The following TPST1 variants were observed in gnomAD, a reference collection of about 807,000 sequenced individuals.
TPST1 encodes the protein protein-tyrosine sulfotransferase 1.
TPST1 carries 20 observed loss-of-function variants against 34.8 expected under a neutral mutation model. The observed-to-expected ratio is 0.57, with a 90% CI of 0.40 to 0.84. The LOEUF (loss-of-function observed/expected upper bound fraction) is 0.84, where lower values mean the gene tolerates loss of function less well. Ranked by LOEUF, TPST1 falls within the 40% of genes least tolerant of loss-of-function variation. TPST1 has a pLI of 0.00. For synonymous variants in TPST1, 152 were observed against 159.4 expected (o/e 0.95, Z 0.35); for missense variants, 353 against 455.5 (o/e 0.78, Z 2.05).
intron 3 of TPST1, among the ~76,000 whole-genome samples, chr7:66,349,536 C>T (rs1449514434): frequency 6.6e-6 from 1 of 152,162 alleles, no homozygotes; most frequent in Non-Finnish European, 1.5e-5. Context: ...TGCGCCATTG[C>T]ACTCCAGCCT....
intron 3 of TPST1, among the ~76,000 whole-genome samples, chr7:66,318,648 G>A (rs1479714792): frequency 6.6e-6 from 1 of 151,988 alleles, no homozygotes; most frequent in Non-Finnish European, 1.5e-5. Context: ...TGCATTTTTA[G>A]TAGAGATGGG....
intron 3 of TPST1, among the ~76,000 whole-genome samples, chr7:66,320,770 G>T (rs997461413): frequency 1.3e-5 from 2 of 151,022 alleles, no homozygotes; most frequent in East Asian, 3.9e-4. Context: ...GGCTAATTTT[G>T]CATTTTTAGT....
At chr7:66,279,584 A>G (rs961356244) in intron 2 of TPST1, among the ~76,000 whole-genome samples, 2 of 152,160 alleles carry the variant, frequency 1.3e-5, no homozygotes, top group African/African-American at 4.8e-5. Context: ...TTTTGTTTTA[A>G]AACTAAAGCT....
At chr7:66,330,880 A>G (rs1584246419) in intron 3 of TPST1, among the ~76,000 whole-genome samples, 1 of 152,252 alleles carries the variant, frequency 6.6e-6, no homozygotes, top group Non-Finnish European at 1.5e-5. Flanking sequence ...GAAGCATAAC[A>G]AATTATTCTA....
chr7:66,343,946 T>C (rs1792290801), intron 3 of TPST1, among the ~76,000 whole-genome samples: 1 of 151,984 alleles, frequency 6.6e-6, no homozygotes, highest in South Asian at 2.1e-4. Flanking sequence ...CCAAAAGAAA[T>C]ACTAGAAATA....
At chr7:66,206,805 CT>C (rs1789140297) in intron 1 of TPST1, among the ~76,000 whole-genome samples, 1 of 152,088 alleles carries the variant, frequency 6.6e-6, no homozygotes, top group South Asian at 2.1e-4. Context: ...GAATTTTCAT[CT>C]TTTAAGATCC....
intron 3 of TPST1, among the ~76,000 whole-genome samples, chr7:66,349,918 A>G (rs1792438468): frequency 6.6e-6 from 1 of 152,214 alleles, no homozygotes; most frequent in Non-Finnish European, 1.5e-5. Context: ...GGCAAAGTAG[A>G]TGGAAGCAAG....
chr7:66,254,533 C>T (rs973259380), intron 2 of TPST1, among the ~76,000 whole-genome samples: 1 of 151,884 alleles, frequency 6.6e-6, no homozygotes, highest in Admixed American at 6.6e-5. Flanking sequence ...CCTCCCGAGT[C>T]GCTGGGATTG....
chr7:66,274,259 T>A (rs1170361946), intron 2 of TPST1, among the ~76,000 whole-genome samples: 1 of 151,612 alleles, frequency 6.6e-6, no homozygotes, highest in East Asian at 2.0e-4. Flanking sequence ...TCCCAGCTAC[T>A]CAGGCTGAGG....
chr7:66,226,552 A>C (rs1435427712), intron 1 of TPST1, among the ~76,000 whole-genome samples: 2 of 152,184 alleles, frequency 1.3e-5, no homozygotes, highest in Admixed American at 6.6e-5. Flanking sequence ...GAGAAGCCAA[A>C]ATCCCTTTGT....
At chr7:66,263,524 C>T (rs75344907) in intron 2 of TPST1, among the ~76,000 whole-genome samples, 5 of 152,268 alleles carry the variant, frequency 3.3e-5, no homozygotes, top group Non-Finnish European at 7.4e-5. Context: ...AGCAAGCTAC[C>T]GGTTTCAGAA....
rs181434815 is a variant in TPST1 at position 66,332,098 on chromosome 7, C to T, written c.1045-20407C>T. ...TAACAGAAATAAAGTGCACAGTAAA[C>T]GTAATGTGCTTGAATCATCCGGAAA... On this transcript the variant is annotated intron_variant, in intron 3 of 5. Coordinates refer to ENST00000304842, the MANE Select transcript of TPST1 (RefSeq NM_003596.4). The surrounding 1 kb of genome is among the most constrained non-coding windows in gnomAD (Gnocchi z 4.5). Among the ~76,000 whole-genome samples, 5 of 152,128 alleles carry T rather than the reference C, an allele frequency of 3.3e-5. No homozygotes were observed. The highest frequency in any genetic ancestry group is 1.2e-4 in the African/African-American group (5 of 41,494).
chr7:66,350,653 T>C lies in TPST1; in HGVS notation c.1045-1852T>C, dbSNP rs374560698. On this transcript the variant is annotated intron_variant, in intron 3 of 5. Coordinates refer to ENST00000304842, the MANE Select transcript of TPST1 (RefSeq NM_003596.4). ...GGATCAGTAAAAGGAGAAACTTCTT[T>C]AGGTTTTTAGACCTGGGATTCAGCA... Among the ~76,000 whole-genome samples the C allele has an allele frequency of 6.6e-5, 10 of 152,348 alleles. 1 individual carries two copies. In the East Asian group the frequency reaches 7.7e-4, roughly 12 times the overall value.
chr7:66,210,341 G>A (rs1297550687), intron 1 of TPST1, among the ~76,000 whole-genome samples: 2 of 152,244 alleles, frequency 1.3e-5, no homozygotes, highest in East Asian at 1.9e-4. Flanking sequence ...GCCTGAGAGA[G>A]CAGTTGGCCC....
intron 1 of TPST1, among the ~76,000 whole-genome samples, chr7:66,227,649 G>C (rs1275642836): frequency 1.3e-5 from 2 of 152,066 alleles, no homozygotes; most frequent in African/African-American, 4.8e-5. Context: ...CAGTAATCCT[G>C]GTGCAAGATG....
rs150747009 is a variant in TPST1, at chr7:66,278,274, T to C, written c.846-8237T>C. Among the ~76,000 whole-genome samples, 9 of 152,170 alleles carry C rather than the reference T, an allele frequency of 5.9e-5. No homozygotes were observed. The East Asian group carries it at 1.7e-3, about 29-fold the overall frequency. On this transcript the variant is annotated intron_variant, in intron 2 of 5. Transcript: ENST00000304842. The stretch of plus-strand genomic sequence containing the variant: ...TGATGTGAAGTATGAGAGAATGTAG[T>C]TGAAAAATAACTCTGGTTTTGTCCT...
At chr7:66,238,408 C>CTTT (rs370723283) in intron 1 of TPST1, among the ~76,000 whole-genome samples, 2 of 131,920 alleles carry the variant, frequency 1.5e-5, no homozygotes. Flanking sequence ...ACAGCACTGG[C>CTTT]TTTTTTTTTT....
intron 2 of TPST1, among the ~76,000 whole-genome samples, chr7:66,260,276 C>T (rs1297890400): frequency 6.6e-6 from 1 of 152,158 alleles, no homozygotes; most frequent in Non-Finnish European, 1.5e-5. Flanking sequence ...ACCTTATGCA[C>T]ATAGCCTCAA....
At chr7:66,320,786 T>C (rs1215298074) in intron 3 of TPST1, among the ~76,000 whole-genome samples, 1 of 150,330 alleles carries the variant, frequency 6.7e-6, no homozygotes, top group African/African-American at 2.5e-5. Flanking sequence ...TTAGTAGAGA[T>C]GGGGCTTCAC....
Sources: gnomAD v4.1 joint callset for allele counts (sites outside exome capture counted in the v4.1 genomes callset) on GRCh38, gnomAD v4.1.1 for gene constraint, Gnocchi (gnomAD v3.1) non-coding constraint, MANE v1.5 for transcripts, NCBI Gene and HGNC (gene_info 2026-07-23, HGNC 2026-07-21) for gene names.